Variants in PTPRT observed in about 807,000 individuals in gnomAD.
PTPRT encodes receptor-type tyrosine-protein phosphatase T.
In PTPRT, 56 loss-of-function variants were observed where a neutral mutation model predicts 176.8. That is an observed-to-expected ratio of 0.32 (90% CI 0.26 to 0.40). PTPRT has a LOEUF of 0.40. PTPRT is among the 10% of genes least tolerant of loss of function. PTPRT has a pLI of 1.00. For synonymous variants in PTPRT, 783 were observed against 739.0 expected, an observed-to-expected ratio of 1.06 and a Z score of -0.96; for missense variants, 1,540 against 1,908.2, an observed-to-expected ratio of 0.81 and a Z score of 3.60.
intron 16 of PTPRT, among the ~76,000 whole-genome samples, chr20:42,167,271 C>T (rs547281309): frequency 2.6e-5 from 4 of 152,254 alleles, no homozygotes; most frequent in African/African-American, 7.2e-5. Context: ...GGGCTTCTTT[C>T]GCCTTTCCTT....
chr20:43,165,614 A>G (rs916968330), intron 1 of PTPRT, among the ~76,000 whole-genome samples: 8 of 152,246 alleles, frequency 5.3e-5, no homozygotes, highest in African/African-American at 1.9e-4. Flanking sequence ...GCTTCACAGC[A>G]GTATGAGAAC....
At chr20:42,100,379 C>G (rs1985814964) in intron 26 of PTPRT, among the ~76,000 whole-genome samples, 1 of 152,184 alleles carries the variant, frequency 6.6e-6, no homozygotes, top group Non-Finnish European at 1.5e-5. Flanking sequence ...CTGCTAGGAG[C>G]AAAGCTGCTA....
intron 16 of PTPRT, among the ~76,000 whole-genome samples, chr20:42,164,391 G>A (rs1003416812): frequency 5.3e-5 from 8 of 152,158 alleles, no homozygotes; most frequent in African/African-American, 1.7e-4. Context: ...AACCAACACT[G>A]GAATGGAAAA....
At chr20:42,251,671 G>A (rs576623469) in intron 13 of PTPRT, among the ~76,000 whole-genome samples, 1 of 150,786 alleles carries the variant, frequency 6.6e-6, no homozygotes, top group African/African-American at 2.4e-5. Context: ...TATGGGAGCA[G>A]CAGGAGAAAT....
chr20:42,351,153 C>T (rs1600873872), intron 10 of PTPRT, among the ~76,000 whole-genome samples: 1 of 151,562 alleles, frequency 6.6e-6, no homozygotes, highest in Non-Finnish European at 1.5e-5. Context: ...TTCCCTCATA[C>T]TCAGCTGATA....
At chr20:43,123,945 A>C (rs184836605) in intron 1 of PTPRT, among the ~76,000 whole-genome samples, 1 of 152,366 alleles carries the variant, frequency 6.6e-6, no homozygotes, top group Non-Finnish European at 1.5e-5. Context: ...CCTTGTTCAG[A>C]CATGCTTTAT....
intron 7 of PTPRT, among the ~76,000 whole-genome samples, chr20:42,614,925 T>TGGTGTTTTTTGTTG (rs2074041453): frequency 1.4e-5 from 2 of 145,188 alleles, no homozygotes; most frequent in Admixed American, 1.3e-4. Flanking sequence ...TTGTTTTCTT[T>TGGTGTTTTTTGTTG]TTTTTTTTTC....
At chr20:42,762,197 C>G (rs552423182) in intron 5 of PTPRT, among the ~76,000 whole-genome samples, 2 of 152,200 alleles carry the variant, frequency 1.3e-5, no homozygotes, top group East Asian at 3.9e-4. Context: ...TTATGGCATA[C>G]CTGGTATACT....
At chr20:42,941,312 G>A (rs921290136) in intron 1 of PTPRT, among the ~76,000 whole-genome samples, 8 of 152,106 alleles carry the variant, frequency 5.3e-5, no homozygotes, top group Non-Finnish European at 8.8e-5. Context: ...AAATCATTAA[G>A]ATTAAGAGAT....
chr20:42,315,929 A>C lies in PTPRT; in HGVS notation c.1933T>G (p.Cys645Gly). 2 of 1,614,168 alleles carry C rather than the reference A, an allele frequency of 1.2e-6. No homozygotes were observed. Among genetic ancestry groups the C allele is most frequent in the Non-Finnish European group, 1.7e-6 (2 of 1,180,024 alleles). ...KSRRAADIIECFSVPVSYRNA... is the reference protein window; with the variant it reads ...KSRRAADIIEGFSVPVSYRNA... ...CGATAGCTCACGGGCACCGAAAAGC[A>C]CTCAATAATGTCAGCTGCCCTCCGT... The change falls in exon 12 of 31, where the codon TGC (cysteine) becomes GGC (glycine). Residue 645 changes from cysteine (C) to glycine (G), a missense_variant. Cys to Gly is a radical substitution (Grantham distance 159). Coordinates refer to ENST00000373187, the MANE Select transcript of PTPRT (RefSeq NM_007050.6).
At chr20:42,338,376 G>T (rs143362512) in intron 11 of PTPRT, among the ~76,000 whole-genome samples, 1 of 152,302 alleles carries the variant, frequency 6.6e-6, no homozygotes, top group East Asian at 1.9e-4. Context: ...GCCAATGAGA[G>T]AACTCCTGGC....
intron 8 of PTPRT, among the ~76,000 whole-genome samples, chr20:42,471,734 C>T (rs540661907): frequency 6.6e-6 from 1 of 152,248 alleles, no homozygotes; most frequent in South Asian, 2.1e-4. Context: ...CGGCTCACTG[C>T]AACCTCTGCC....
chr20:42,767,947 ATATAT>A (rs1271203398), intron 5 of PTPRT, among the ~76,000 whole-genome samples: 2 of 144,520 alleles, frequency 1.4e-5, no homozygotes, highest in Non-Finnish European at 1.5e-5. Context: ...ATAACATACT[ATATAT>A]TATATATGAA....
At chr20:42,365,279 C>T (rs1236279274) in intron 9 of PTPRT, among the ~76,000 whole-genome samples, 1 of 152,088 alleles carries the variant, frequency 6.6e-6, no homozygotes, top group Non-Finnish European at 1.5e-5. Context: ...GTAGCTAGAC[C>T]AGGGTTTCTC....
chr20:42,737,358 T>C (rs866941413), intron 6 of PTPRT, among the ~76,000 whole-genome samples: 2 of 152,144 alleles, frequency 1.3e-5, no homozygotes, highest in Non-Finnish European at 2.9e-5. Flanking sequence ...GGGCTGGGCA[T>C]GGTGGCTCAC....
At position 42,088,662 on chromosome 20, in the gene PTPRT, A is replaced by G. The variant is rs537047238; in HGVS notation, c.3847-2809T>C. Among the ~76,000 whole-genome samples the G allele has an allele frequency of 2.6e-5, 4 of 152,340 alleles. No individual in the cohort carries two copies. The South Asian group carries it at 6.2e-4, about 24-fold the overall frequency. Reference sequence around the variant, plus strand: ...TATAAAGCTTTGCTGAAACACAGCTACACTTATTCATTTATGTATTGTCCA... The same window carrying G: ...TATAAAGCTTTGCTGAAACACAGCTGCACTTATTCATTTATGTATTGTCCA... On this transcript the variant is annotated intron_variant, in intron 27 of 30. Transcript: ENST00000373187.
intron 1 of PTPRT, among the ~76,000 whole-genome samples, chr20:43,180,470 ATT>A (rs3091964): frequency 3.4e-5 from 5 of 148,454 alleles, no homozygotes; most frequent in Non-Finnish European, 7.4e-5. Flanking sequence ...ATACACCCAC[ATT>A]TTTTTTTTCA....
chr20:42,439,923 T>G (rs1021341646), intron 9 of PTPRT, among the ~76,000 whole-genome samples: 13 of 152,286 alleles, frequency 8.5e-5, no homozygotes, highest in African/African-American at 3.1e-4. Context: ...TTTTGTTTTG[T>G]TTTTGAGACA....
At chr20:42,206,952 T>C (rs1018872514) in intron 15 of PTPRT, among the ~76,000 whole-genome samples, 4 of 151,776 alleles carry the variant, frequency 2.6e-5, no homozygotes, top group African/African-American at 9.7e-5. Context: ...TCTGAGAACC[T>C]GCAGACTGCC....
Sources: gnomAD v4.1 joint callset for allele counts (sites outside exome capture counted in the v4.1 genomes callset) on GRCh38, gnomAD v4.1.1 for gene constraint, MANE v1.5 for transcripts, NCBI Gene and HGNC (gene_info 2026-07-23, HGNC 2026-07-21) for gene names.